Variants in DOP1A observed in about 807,000 individuals in gnomAD.
DOP1A encodes the protein protein DOP1A.
DOP1A carries 90 observed loss-of-function variants against 267.6 expected under a neutral mutation model. That is an observed-to-expected ratio of 0.34 (90% CI 0.28 to 0.40). The LOEUF (loss-of-function observed/expected upper bound fraction) is 0.40. Among genes scored for constraint, DOP1A ranks in the 10% least tolerant of loss-of-function variants. The pLI is 1.00. For missense variants in DOP1A, 2,437 were observed against 2,900.4 expected (o/e 0.84, Z 3.67); for synonymous variants, 932 against 999.1 (o/e 0.93, Z 1.27).
In DOP1A at chr6:83,155,931, T is replaced by C; in HGVS notation, c.6452-20T>C. 1 of 1,603,036 alleles carries C rather than the reference T, an allele frequency of 6.2e-7. No homozygotes were observed. Among genetic ancestry groups the C allele is most frequent in the Non-Finnish European group, 8.5e-7 (1 of 1,176,970 alleles). On this transcript the variant is annotated intron_variant, in intron 33 of 38. Coordinates refer to ENST00000349129, the MANE Select transcript of DOP1A (RefSeq NM_015018.4). ...TTCTTCAGATGACAGTGTCACAGTCTCTTTCACTTGCTTTTTCAGCTCGTG... is the reference window on the plus strand; with the variant it reads ...TTCTTCAGATGACAGTGTCACAGTCCCTTTCACTTGCTTTTTCAGCTCGTG...
intron 3 of DOP1A, among the ~76,000 whole-genome samples, chr6:83,099,759 C>T (rs1200008392): frequency 6.8e-6 from 1 of 147,184 alleles, no homozygotes; most frequent in African/African-American, 2.7e-5. Context: ...TATACACATA[C>T]ACATATATAT....
chr6:83,155,754 T>C (rs1782661782), intron 33 of DOP1A, among the ~76,000 whole-genome samples, 197 bp from the exon 34 acceptor site: 1 of 152,246 alleles, frequency 6.6e-6, no homozygotes, highest in Non-Finnish European at 1.5e-5. Flanking sequence ...CCATCACAAT[T>C]CCTACCATTT....
intron 22 of DOP1A, 41 bp from the exon 23 acceptor site, chr6:83,140,180 C>A: frequency 6.2e-7 from 1 of 1,605,014 alleles, no homozygotes; most frequent in Non-Finnish European, 8.5e-7. Flanking sequence ...ATTTGTAAAT[C>A]TCAGTAAGTA....
At chr6:83,152,145 T>G in intron 29 of DOP1A, 118 bp downstream of exon 29, 1 of 1,203,280 alleles carries the variant, frequency 8.3e-7, no homozygotes, top group Non-Finnish European at 1.2e-6. Context: ...GTCTAACAAG[T>G]AACTTTTTTT....
intron 3 of DOP1A, among the ~76,000 whole-genome samples, chr6:83,100,043 A>T (rs1772286665): frequency 6.6e-6 from 1 of 152,142 alleles, no homozygotes; most frequent in South Asian, 2.1e-4. Context: ...TTCTTTACTT[A>T]ACTAATCTCC....
At position 83,072,374 on chromosome 6, in the gene DOP1A, C is replaced by T. The variant is rs868518126; in HGVS notation, c.-147+4595C>T. On this transcript the variant is annotated intron_variant, in intron 1 of 38. Coordinates refer to ENST00000349129, the MANE Select transcript of DOP1A (RefSeq NM_015018.4). Reference sequence around the variant, plus strand: ...TCAGTACACACAATCATTTGCTACTCACCAAGAGGTCAGATTCCTGGGTTT... The same window carrying T: ...TCAGTACACACAATCATTTGCTACTTACCAAGAGGTCAGATTCCTGGGTTT... Among the ~76,000 whole-genome samples the T allele has an allele frequency of 2.6e-5, 4 of 151,990 alleles. No homozygotes were observed. In the Middle Eastern group the frequency reaches 0.014, roughly 517 times the overall value.
chr6:83,141,864 G>A, intron 23 of DOP1A, 57 bp from the exon 24 acceptor site: 1 of 1,554,192 alleles, frequency 6.4e-7, no homozygotes, highest in Non-Finnish European at 8.7e-7. Flanking sequence ...CAGTCTAGTT[G>A]TAAATGTTTT....
chr6:83,162,938 A>G lies in DOP1A; in HGVS notation c.7092+19A>G, dbSNP rs1208338431. On this transcript the variant is annotated intron_variant, in intron 38 of 38. Coordinates refer to ENST00000349129, the MANE Select transcript of DOP1A (RefSeq NM_015018.4). ...AGCAAAGGTATCGCATTCTTTTGTG[A>G]TTGTTTTGTTTTACATCACTACATG... The G allele has an allele frequency of 1.9e-6, 3 of 1,605,466 alleles. No individual in the cohort carries two copies. The African/African-American group carries it at 4.0e-5, about 22-fold the overall frequency.
rs1776886014 is a variant in DOP1A at position 83,124,762 on chromosome 6, A to G, written c.1398A>G (p.Glu466=). Residue 466 remains glutamate (E), a synonymous_variant, in exon 13 of 39, where the codon GAA becomes GAG. Transcript: ENST00000349129. ...IGPGDSNDSS[E]LQLTNFCLLV... is the part of the protein sequence containing the mutation. ...CTGGAGATAGTAATGACTCATCTGA[A>G]TTACAGCTGACCAATTTCTGCTTAC... 3 of 1,613,402 alleles carry G rather than the reference A, an allele frequency of 1.9e-6. No homozygotes were observed. Among genetic ancestry groups the G allele is most frequent in the Non-Finnish European group, 2.5e-6 (3 of 1,179,602 alleles).
intron 24 of DOP1A, among the ~76,000 whole-genome samples, chr6:83,143,085 C>T (rs915805819): frequency 1.3e-5 from 2 of 152,002 alleles, no homozygotes; most frequent in Non-Finnish European, 2.9e-5. Flanking sequence ...AATTTAAATC[C>T]TGGACTACTT....
chr6:83,114,801 A>G (rs1232352377), intron 7 of DOP1A, among the ~76,000 whole-genome samples: 1 of 152,190 alleles, frequency 6.6e-6, no homozygotes, highest in Admixed American at 6.5e-5. Flanking sequence ...ATATTCTATA[A>G]TATGTATTAT....
chr6:83,163,010 C>T (rs1429602797), intron 38 of DOP1A, 91 bp downstream of exon 38: 14 of 1,388,196 alleles, frequency 1.0e-5, no homozygotes, highest in Admixed American at 4.5e-5. Context: ...AAACTGAGAA[C>T]GTTATCAAGT....
chr6:83,164,465 A>T (rs1784958890), intron 38 of DOP1A, among the ~76,000 whole-genome samples: 1 of 152,024 alleles, frequency 6.6e-6, no homozygotes, highest in South Asian at 2.1e-4. Context: ...AGTAATGAGA[A>T]TTTTTATAAG....
Position 83,093,171 on chromosome 6 carries a change from G to A in DOP1A, c.-146-3560G>A, listed in dbSNP as rs145225935. 5.8e-3 allele frequency among the ~76,000 whole-genome samples: 878 copies of A among 152,334 alleles called. 21 individuals are homozygous for A. Among genetic ancestry groups the A allele is most frequent in the Admixed American group, 0.042 (648 of 15,306 alleles). On this transcript the variant is annotated intron_variant, in intron 1 of 38. Transcript: ENST00000349129. ...TCCCAATTGGGAATGAAAGTATCAT[G>A]AGGTCAGGGATGTTCTCTCTAGTCA...
intron 1 of DOP1A, among the ~76,000 whole-genome samples, chr6:83,085,778 T>TTATG (rs1769063827): frequency 9.8e-5 from 14 of 142,956 alleles, no homozygotes; most frequent in Non-Finnish European, 1.8e-4. Flanking sequence ...TTTGCGGTAT[T>TTATG]TTATGTTATG....
intron 1 of DOP1A, among the ~76,000 whole-genome samples, chr6:83,077,158 A>G (rs1368036717): frequency 1.3e-5 from 2 of 152,170 alleles, no homozygotes; most frequent in Non-Finnish European, 2.9e-5. Context: ...TTGGTTGCAC[A>G]ATAATGTGAA....
chr6:83,126,893 G>A (rs544940878), intron 15 of DOP1A, among the ~76,000 whole-genome samples: 2 of 152,228 alleles, frequency 1.3e-5, no homozygotes, highest in South Asian at 2.1e-4. Flanking sequence ...CGAAAACTTA[G>A]GGATCAGAGT....
intron 37 of DOP1A, among the ~76,000 whole-genome samples, chr6:83,162,331 C>T (rs899740181): frequency 3.3e-5 from 5 of 152,060 alleles, no homozygotes; most frequent in Admixed American, 6.6e-5. Context: ...TTCTTAAATT[C>T]GTTCAATTTT....
At chr6:83,168,714 C>G (rs890568734), downstream of DOP1A, 1 of 996,440 alleles carries the variant, frequency 1.0e-6, no homozygotes, top group African/African-American at 1.7e-5. Context: ...ATGGACAACC[C>G]CCTATTCATA....
Sources: allele counts gnomAD v4.1 joint callset (sites outside exome capture counted in the v4.1 genomes callset), GRCh38; gene constraint gnomAD v4.1.1; transcripts MANE v1.5; gene names NCBI Gene and HGNC (gene_info 2026-07-23, HGNC 2026-07-21).